The following NXPE2 variants were observed in gnomAD, a reference collection of about 807,000 sequenced individuals.
NXPE2 encodes the protein neurexophilin and PC-esterase domain family member 2.
NXPE2 carries 34 observed loss-of-function variants against 34.4 expected under a neutral mutation model. The observed-to-expected ratio is 0.99, with a 90% CI of 0.75 to 1.31. The LOEUF is 1.31. Ranked by LOEUF, NXPE2 falls within the 40% of genes most tolerant of loss-of-function variation. The pLI is 0.00. For missense variants in NXPE2, 649 were observed against 672.5 expected, an observed-to-expected ratio of 0.97 and a Z score of 0.39; for synonymous variants, 235 against 231.3, an observed-to-expected ratio of 1.02 and a Z score of -0.15.
chr11:114,627,784 G>T, the NXPE2 span, among the ~76,000 whole-genome samples: 5 of 151,932 alleles, frequency 3.3e-5, no homozygotes, highest in African/African-American at 1.2e-4. Context: ...CATCTCACAG[G>T]CAGAGACACA....
At chr11:114,536,697 TC>T in the NXPE2 span, among the ~76,000 whole-genome samples, 1 of 152,164 alleles carries the variant, frequency 6.6e-6, no homozygotes, top group African/African-American at 2.4e-5. Flanking sequence ...ATGGATAAAT[TC>T]CTTGACACAT....
At chr11:114,790,075 C>A in the NXPE2 span, among the ~76,000 whole-genome samples, 3 of 152,170 alleles carry the variant, frequency 2.0e-5, no homozygotes, top group Admixed American at 6.5e-5. Flanking sequence ...TTACAATAAG[C>A]CCTGCTGCTC....
the NXPE2 span, among the ~76,000 whole-genome samples, chr11:114,757,425 G>A: frequency 6.0e-5 from 9 of 151,184 alleles, no homozygotes; most frequent in African/African-American, 2.2e-4. Context: ...CATTTCTACT[G>A]GTAACAGAAG....
At chr11:114,538,339 T>G in the NXPE2 span, among the ~76,000 whole-genome samples, 7 of 152,276 alleles carry the variant, frequency 4.6e-5, no homozygotes, top group Admixed American at 4.6e-4. Flanking sequence ...GAAGAAAACC[T>G]AGGCAGTACC....
At position 114,679,766 on chromosome 11, in the gene NXPE2, G is replaced by A; in HGVS notation, c.132+4G>A. 6.6e-7 allele frequency: 1 copy of A among 1,524,090 alleles called. No individual in the cohort carries two copies. Among genetic ancestry groups the A allele is most frequent in the Non-Finnish European group, 8.9e-7 (1 of 1,124,050 alleles). 94.4% of individuals were successfully genotyped at this position (1,524,090 alleles called of 1,614,324 possible). On this transcript the variant is annotated splice_donor_region_variant and intron_variant, in intron 2 of 5. Coordinates refer to ENST00000389586, the MANE Select transcript of NXPE2 (RefSeq NM_182495.6). Reference sequence around the variant, plus strand: ...GGCTTCAAAAGACCACACAAAGGTAGGAAGTTTCATTTTTAAGAATTTCAC... The same window carrying A: ...GGCTTCAAAAGACCACACAAAGGTAAGAAGTTTCATTTTTAAGAATTTCAC...
At chr11:114,629,811 A>T in the NXPE2 span, among the ~76,000 whole-genome samples, 2 of 150,984 alleles carry the variant, frequency 1.3e-5, no homozygotes, top group Non-Finnish European at 1.5e-5. Context: ...CTGATAAGCA[A>T]CTTCAGCAAA....
the NXPE2 span, among the ~76,000 whole-genome samples, chr11:114,568,012 A>G: frequency 6.6e-6 from 1 of 152,180 alleles, no homozygotes; most frequent in Non-Finnish European, 1.5e-5. Flanking sequence ...AAACATATGA[A>G]ACATCACACA....
the NXPE2 span, among the ~76,000 whole-genome samples, chr11:114,533,594 G>A: frequency 6.6e-6 from 1 of 152,186 alleles, no homozygotes; most frequent in African/African-American, 2.4e-5. Flanking sequence ...CCCTAATACT[G>A]CGCTTTTCCA....
chr11:114,789,466 A>G, the NXPE2 span, among the ~76,000 whole-genome samples: 1 of 152,254 alleles, frequency 6.6e-6, no homozygotes, highest in Admixed American at 6.5e-5. Context: ...ACCCTTACAG[A>G]GGAAAGGAAT....
chr11:114,684,579 T>A (rs571200836), intron 2 of NXPE2, among the ~76,000 whole-genome samples: 219 of 152,058 alleles, frequency 1.4e-3, no homozygotes, highest in Non-Finnish European at 2.1e-3. Context: ...AAATAAGCAC[T>A]TGGCTGAGGA....
chr11:114,552,472 G>T, the NXPE2 span, among the ~76,000 whole-genome samples: 5 of 152,052 alleles, frequency 3.3e-5, no homozygotes, highest in African/African-American at 9.7e-5. Context: ...CACAATATTT[G>T]TTGAATAAAT....
chr11:114,711,713 T>C (rs1271369462), downstream of NXPE2, among the ~76,000 whole-genome samples: 1 of 152,166 alleles, frequency 6.6e-6, no homozygotes, highest in African/African-American at 2.4e-5. Flanking sequence ...GCAATCTCTG[T>C]CAAAACCCAG....
At chr11:114,617,676 G>C in the NXPE2 span, among the ~76,000 whole-genome samples, 11 of 151,790 alleles carry the variant, frequency 7.2e-5, no homozygotes, top group Admixed American at 3.3e-4. Context: ...ACTGTTACCC[G>C]GTGGATAAAA....
At chr11:114,702,155 G>A (rs1182682458) in intron 3 of NXPE2, among the ~76,000 whole-genome samples, 1 of 152,138 alleles carries the variant, frequency 6.6e-6, no homozygotes, top group Non-Finnish European at 1.5e-5. Flanking sequence ...GTTACCATAG[G>A]AGAAGACATC....
chr11:114,736,398 G>A, the NXPE2 span, among the ~76,000 whole-genome samples: 2 of 152,168 alleles, frequency 1.3e-5, no homozygotes, highest in Non-Finnish European at 2.9e-5. Context: ...CTTTCTCAGG[G>A]ATGTTCCTTG....
the NXPE2 span, among the ~76,000 whole-genome samples, chr11:114,720,727 A>G: frequency 6.6e-6 from 1 of 152,248 alleles, no homozygotes; most frequent in Non-Finnish European, 1.5e-5. Context: ...ATATGTTATC[A>G]AAATTAATTT....
chr11:114,548,616 A>G, the NXPE2 span, among the ~76,000 whole-genome samples: 1 of 152,068 alleles, frequency 6.6e-6, no homozygotes, highest in Non-Finnish European at 1.5e-5. Context: ...GAAAGTAACT[A>G]TAATTAATGC....
the NXPE2 span, among the ~76,000 whole-genome samples, chr11:114,533,242 C>T: frequency 1.3e-5 from 2 of 151,930 alleles, no homozygotes; most frequent in Non-Finnish European, 2.9e-5. Flanking sequence ...AGCAAGAAGC[C>T]GAATACAAAA....
chr11:114,630,461 G>A, the NXPE2 span, among the ~76,000 whole-genome samples: 3 of 151,618 alleles, frequency 2.0e-5, no homozygotes, highest in African/African-American at 4.9e-5. Context: ...GGGAAAACTG[G>A]CTAGCCATAT....
Sources: gnomAD v4.1 joint callset for allele counts (sites outside exome capture counted in the v4.1 genomes callset) on GRCh38, gnomAD v4.1.1 for gene constraint, MANE v1.5 for transcripts, NCBI Gene and HGNC (gene_info 2026-07-23, HGNC 2026-07-21) for gene names.